ZNF860: variants seen among roughly 807,000 people sequenced by gnomAD.
ZNF860 encodes the protein zinc finger protein 860.
For synonymous variants in ZNF860, 206 were observed against 248.9 expected (o/e 0.83, Z 1.62); for missense variants, 641 against 759.2 (o/e 0.84, Z 1.83).
At chr3:31,984,289 C>G (rs1006255857) in intron 1 of ZNF860, among the ~76,000 whole-genome samples, 2 of 151,750 alleles carry the variant, frequency 1.3e-5, no homozygotes, top group African/African-American at 4.8e-5. Context: ...ATCCGCCCAC[C>G]TCGGCCTCCC....
chr3:32,005,910 G>A, the ZNF860 span, among the ~76,000 whole-genome samples: 1 of 151,554 alleles, frequency 6.6e-6, no homozygotes, highest in Non-Finnish European at 1.5e-5. Context: ...TTTAAGTGGT[G>A]TCTTGTTTTA....
In ZNF860 at chr3:31,991,185, C is replaced by A. The variant is rs1340606465; in HGVS notation, c.*207C>A. ...ATTGGGCTGGGCAGGGTGGCTTATA[C>A]CTGTAATCCCAGCACTGTGGGAGGT... On this transcript the variant is annotated 3_prime_UTR_variant, in exon 2 of 2. Coordinates refer to ENST00000360311, the MANE Select transcript of ZNF860 (RefSeq NM_001137674.3). The A allele has an allele frequency of 1.4e-5, 8 of 588,938 alleles. No homozygotes were observed. The highest frequency in any genetic ancestry group is 2.1e-5 in the Non-Finnish European group (7 of 333,156). The allele number at this position is 588,938 out of a possible 1,614,324, so 36.5% of individuals were successfully genotyped here.
At chr3:32,003,362 C>T in the ZNF860 span, among the ~76,000 whole-genome samples, 44 of 152,158 alleles carry the variant, frequency 2.9e-4, no homozygotes, top group African/African-American at 1.0e-3. Context: ...AGGGGGAGTT[C>T]CCCCGAGGTT....
At chr3:31,984,167 G>C (rs921327754) in intron 1 of ZNF860, among the ~76,000 whole-genome samples, 5 of 152,104 alleles carry the variant, frequency 3.3e-5, no homozygotes, top group Non-Finnish European at 5.9e-5. Context: ...AGCTTCCCCA[G>C]TAGCTGGGAC....
In ZNF860 at chr3:31,989,163, T is replaced by C; in HGVS notation, c.84T>C (p.Asp28=). The C allele has an allele frequency of 6.2e-7, 1 of 1,614,136 alleles. No homozygotes were observed. The highest frequency in any genetic ancestry group is 1.1e-5 in the South Asian group (1 of 91,074). Residue 28 remains aspartate (D), a synonymous_variant, in exon 2 of 2, where the codon GAT becomes GAC. Coordinates refer to ENST00000360311, the MANE Select transcript of ZNF860 (RefSeq NM_001137674.3). Reference sequence around the variant, plus strand: ...CTCAGGGACACTTGACTTTTAGGGATGTGGCTATAGAATTCTCTTTGGAGG... The same window carrying C: ...CTCAGGGACACTTGACTTTTAGGGACGTGGCTATAGAATTCTCTTTGGAGG... ...ALPQGHLTFR[D]VAIEFSLEEW... is the part of the protein sequence containing the mutation.
the ZNF860 span, among the ~76,000 whole-genome samples, chr3:32,000,525 A>G: frequency 6.6e-6 from 1 of 152,202 alleles, no homozygotes; most frequent in African/African-American, 2.4e-5. Flanking sequence ...TATAAAGGAT[A>G]ATCAATGCAT....
At chr3:31,983,671 G>C (rs574019705) in intron 1 of ZNF860, among the ~76,000 whole-genome samples, 1 of 152,098 alleles carries the variant, frequency 6.6e-6, no homozygotes, top group Admixed American at 6.6e-5. Flanking sequence ...CTCTTCACCC[G>C]GTTTGTGTTT....
At chr3:31,986,432 T>C (rs889387663) in intron 1 of ZNF860, 15 of 152,092 alleles carry the variant, frequency 9.9e-5, no homozygotes, top group African/African-American at 2.9e-4. Context: ...CACTATCCAG[T>C]GAATAAACAG....
intron 1 of ZNF860, among the ~76,000 whole-genome samples, chr3:31,987,989 C>A (rs1218996083): frequency 1.3e-5 from 2 of 152,162 alleles, no homozygotes; most frequent in African/African-American, 4.8e-5. Context: ...ATTAAGAGGG[C>A]AAAACCAAGG....
At position 31,989,787 on chromosome 3, in the gene ZNF860, C is replaced by T; in HGVS notation, c.708C>T (p.Gly236=). The T allele has an allele frequency of 1.2e-6, 2 of 1,614,108 alleles. No homozygotes were observed. The highest frequency in any genetic ancestry group is 1.3e-5 in the African/African-American group (1 of 75,012). ...AATCTTTCCAATGTAATGAGAGTGG[C>T]AAAGCCTTTAATTGTAGCTCACTCT... ...REKSFQCNES[G]KAFNCSSLLR... The change falls in exon 2 of 2, where the codon GGC becomes GGT. Residue 236 remains glycine, a synonymous_variant. Transcript: ENST00000360311.
chr3:31,990,320 C>A lies in ZNF860; in HGVS notation c.1241C>A (p.Ala414Glu). ...GTCTTCAGTAATGCTACAACCATTGCAAATCATTGGAGAATCCATAATGAA... is the reference window on the plus strand; with the variant it reads ...GTCTTCAGTAATGCTACAACCATTGAAAATCATTGGAGAATCCATAATGAA... ...HKVFSNATTI[A>E]NHWRIHNEER... The change falls in exon 2 of 2, where the codon GCA becomes GAA. Residue 414 changes from alanine (A) to glutamate (E), a missense_variant. Ala to Glu is a moderately radical substitution (Grantham distance 107). Transcript: ENST00000360311. 1 of 1,613,976 alleles carries A rather than the reference C, an allele frequency of 6.2e-7. No individual in the cohort carries two copies. Among genetic ancestry groups the A allele is most frequent in the Middle Eastern group, 1.7e-4 (1 of 6,060 alleles).
the ZNF860 span, among the ~76,000 whole-genome samples, chr3:31,998,631 G>T: frequency 4.6e-5 from 7 of 152,136 alleles, no homozygotes; most frequent in South Asian, 2.1e-4. Context: ...TACCAAATAT[G>T]GTCCTCTAGT....
At position 31,989,735 on chromosome 3, in the gene ZNF860, T is replaced by C; in HGVS notation, c.656T>C (p.Leu219Pro). The change falls in exon 2 of 2, where the codon CTA becomes CCA. Residue 219 changes from leucine (L) to proline (P), a missense_variant. Physicochemically the swap from Leu to Pro is moderately conservative, Grantham distance 98 (BLOSUM62 -3). Coordinates refer to ENST00000360311, the MANE Select transcript of ZNF860 (RefSeq NM_001137674.3). ...NNFFHSSLLT[L>P]KQEVHIREKS... ...TTCTTCCATTCATCATTACTCACACTAAAACAGGAAGTACACATAAGAGAA... is the reference window on the plus strand; with the variant it reads ...TTCTTCCATTCATCATTACTCACACCAAAACAGGAAGTACACATAAGAGAA... 5 of 1,614,146 alleles carry C rather than the reference T, an allele frequency of 3.1e-6. No homozygotes were observed. The South Asian group carries it at 3.3e-5, about 11-fold the overall frequency.
At chr3:32,002,553 G>A in the ZNF860 span, among the ~76,000 whole-genome samples, 2 of 152,144 alleles carry the variant, frequency 1.3e-5, no homozygotes, top group Non-Finnish European at 2.9e-5. Context: ...GGAATACTGT[G>A]TCCAAAAACC....
chr3:31,998,644 T>C, the ZNF860 span, among the ~76,000 whole-genome samples: 1 of 152,254 alleles, frequency 6.6e-6, no homozygotes. Flanking sequence ...CCTCTAGTCA[T>C]TTAAATTCCC....
At position 31,989,557 on chromosome 3, in the gene ZNF860, C is replaced by T. The variant is rs1378749805; in HGVS notation, c.478C>T (p.His160Tyr). The change falls in exon 2 of 2, where the codon CAT (histidine) becomes TAT (tyrosine). Residue 160 changes from histidine to tyrosine, a missense_variant. His to Tyr is a moderately conservative substitution (Grantham distance 83). Coordinates refer to ENST00000360311, the MANE Select transcript of ZNF860 (RefSeq NM_001137674.3). ...CAAAGATCAGCTTGGATTAAGCTTT[C>T]ATTCGCATCTTCCTGAACTCCACAT... ...PIKDQLGLSF[H>Y]SHLPELHIFQ... The T allele has an allele frequency of 1.9e-6, 3 of 1,614,214 alleles. No individual in the cohort carries two copies. In the East Asian group the frequency reaches 6.7e-5, roughly 36 times the overall value.
the ZNF860 span, among the ~76,000 whole-genome samples, chr3:32,001,649 A>T: frequency 5.1e-4 from 78 of 152,324 alleles, no homozygotes; most frequent in African/African-American, 1.8e-3. Flanking sequence ...AACTGTTACC[A>T]TCAGTTTTCT....
the ZNF860 span, among the ~76,000 whole-genome samples, chr3:32,001,162 T>G: frequency 6.6e-6 from 1 of 152,190 alleles, no homozygotes; most frequent in Non-Finnish European, 1.5e-5. Context: ...ATAAGCTCCC[T>G]CATTGTTTCA....
chr3:31,985,988 C>T (rs1453361766), intron 1 of ZNF860, among the ~76,000 whole-genome samples: 1 of 152,200 alleles, frequency 6.6e-6, no homozygotes, highest in Non-Finnish European at 1.5e-5. Flanking sequence ...AATTTGGCTA[C>T]TGAGCGTGAG....
Sources: gnomAD v4.1 joint callset for allele counts (sites outside exome capture counted in the v4.1 genomes callset) on GRCh38, gnomAD v4.1.1 for gene constraint, MANE v1.5 for transcripts, NCBI Gene and HGNC (gene_info 2026-07-23, HGNC 2026-07-21) for gene names.